The following RBFOX1 variants were observed in gnomAD, a reference collection of about 807,000 sequenced individuals.
The protein encoded by RBFOX1 is RNA binding fox-1 homolog 1.
In RBFOX1, 8 loss-of-function variants were observed where a neutral mutation model predicts 57.7. The ratio of observed to expected loss-of-function variants is 0.14; its 90% CI spans 0.08 to 0.25. The LOEUF (loss-of-function observed/expected upper bound fraction) is 0.25. Ranked by LOEUF, RBFOX1 falls within the 10% of genes least tolerant of loss-of-function variation. The pLI, the probability that RBFOX1 is intolerant of heterozygous loss-of-function variation, is 1.00. For missense variants in RBFOX1, 611 were observed against 548.5 expected, an observed-to-expected ratio of 1.11 and a Z score of -1.14; for synonymous variants, 326 against 222.4, an observed-to-expected ratio of 1.47 and a Z score of -4.15.
At chr16:5,610,874 G>A (rs7204151) in intron 3 of RBFOX1, among the ~76,000 whole-genome samples, 110,555 of 151,734 alleles carry the variant, frequency 0.73, 40,409 homozygotes, top group East Asian at 0.78. Flanking sequence ...TCTGTCAAAA[G>A]ATAAAAATAA....
chr16:6,797,604 G>A (rs2084383862), intron 3 of RBFOX1, among the ~76,000 whole-genome samples: 1 of 152,120 alleles, frequency 6.6e-6, no homozygotes, highest in African/African-American at 2.4e-5. Context: ...AAATGAAACA[G>A]CACCAGCATT....
chr16:6,984,456 C>A (rs935008363), intron 3 of RBFOX1, among the ~76,000 whole-genome samples: 4 of 152,046 alleles, frequency 2.6e-5, no homozygotes, highest in African/African-American at 7.2e-5. Context: ...AATATATATC[C>A]CTATGGATGA....
chr16:5,406,223 CG>C (rs1288578454), intron 1 of RBFOX1, among the ~76,000 whole-genome samples: 5 of 151,804 alleles, frequency 3.3e-5, no homozygotes, highest in African/African-American at 7.3e-5. Flanking sequence ...GGGGTGATGG[CG>C]GGGGGGATTT....
At chr16:7,116,711 T>C (rs1433075918) in intron 4 of RBFOX1, among the ~76,000 whole-genome samples, 1 of 152,130 alleles carries the variant, frequency 6.6e-6, no homozygotes, top group East Asian at 1.9e-4. Context: ...ACTGTTAAGG[T>C]ACGTGGAGAC....
chr16:5,476,866 C>A (rs898000220), intron 2 of RBFOX1, among the ~76,000 whole-genome samples: 1 of 152,150 alleles, frequency 6.6e-6, no homozygotes, highest in African/African-American at 2.4e-5. Flanking sequence ...CCAAGTTAAC[C>A]TTTCTCAATC....
intron 2 of RBFOX1, among the ~76,000 whole-genome samples, chr16:6,552,442 C>G (rs544120009): frequency 6.6e-6 from 1 of 152,130 alleles, no homozygotes; most frequent in East Asian, 1.9e-4. Flanking sequence ...ATAATAATGC[C>G]CAATTCATGT....
At chr16:6,574,645 G>A (rs1253863609) in intron 2 of RBFOX1, among the ~76,000 whole-genome samples, 1 of 147,342 alleles carries the variant, frequency 6.8e-6, no homozygotes, top group African/African-American at 2.5e-5. Flanking sequence ...AGCCGGGATG[G>A]TCTCGATCTC....
intron 2 of RBFOX1, among the ~76,000 whole-genome samples, chr16:6,450,850 T>TGTATCTATATATAC (rs2094601040): frequency 1.9e-5 from 1 of 52,738 alleles, no homozygotes; most frequent in Non-Finnish European, 3.7e-5. Flanking sequence ...TATATATATA[T>TGTATCTATATATAC]ATATATATAT....
At chr16:6,644,473 C>G (rs546182502) in intron 2 of RBFOX1, among the ~76,000 whole-genome samples, 16 of 152,186 alleles carry the variant, frequency 1.1e-4, no homozygotes, top group South Asian at 2.1e-4. Flanking sequence ...TGATCATAAG[C>G]CGATTTGGGC....
intron 3 of RBFOX1, among the ~76,000 whole-genome samples, chr16:5,668,939 C>G (rs911402498): frequency 2.6e-5 from 4 of 152,176 alleles, no homozygotes; most frequent in African/African-American, 7.2e-5. Context: ...TTAGGGGGAG[C>G]ATTGCTCCAG....
chr16:5,580,807 C>G (rs934036203), intron 2 of RBFOX1, among the ~76,000 whole-genome samples: 4 of 152,190 alleles, frequency 2.6e-5, no homozygotes, highest in African/African-American at 9.7e-5. Flanking sequence ...ACCCAGGAAG[C>G]TGTAGGGCAG....
chr16:5,372,928 CG>C (rs2065896911), intron 1 of RBFOX1, among the ~76,000 whole-genome samples: 1 of 152,204 alleles, frequency 6.6e-6, no homozygotes, highest in Admixed American at 6.5e-5. Flanking sequence ...CTTCTGAAGA[CG>C]GGGAGAAGAG....
intron 2 of RBFOX1, among the ~76,000 whole-genome samples, chr16:6,612,304 A>G (rs1219635345): frequency 6.6e-6 from 1 of 152,186 alleles, no homozygotes; most frequent in African/African-American, 2.4e-5. Context: ...TAAGAAACCA[A>G]CTTTGGGATG....
chr16:5,872,031 T>G (rs2057486899), intron 4 of RBFOX1, among the ~76,000 whole-genome samples: 1 of 152,140 alleles, frequency 6.6e-6, no homozygotes, highest in Non-Finnish European at 1.5e-5. Context: ...ATCCTAGGCC[T>G]AGGAATCATT....
At chr16:7,313,517 G>T (rs1441020959) in intron 4 of RBFOX1, among the ~76,000 whole-genome samples, 1 of 149,114 alleles carries the variant, frequency 6.7e-6, no homozygotes, top group Non-Finnish European at 1.5e-5. Flanking sequence ...AAAAAATGAG[G>T]CTCTTTCGGA....
intron 3 of RBFOX1, among the ~76,000 whole-genome samples, chr16:5,760,251 G>T (rs574440069): frequency 9.9e-5 from 15 of 152,218 alleles, no homozygotes; most frequent in African/African-American, 3.6e-4. Context: ...AACAGAGACA[G>T]TTGGTTGCCT....
At chr16:6,296,610 C>T (rs1299527196) in intron 1 of RBFOX1, among the ~76,000 whole-genome samples, 6 of 152,116 alleles carry the variant, frequency 3.9e-5, no homozygotes, top group South Asian at 4.2e-4. Flanking sequence ...TTAGTAGAGA[C>T]GCGGTTTCAC....
At chr16:7,296,285 G>A (rs549861397) in intron 4 of RBFOX1, among the ~76,000 whole-genome samples, 6 of 117,274 alleles carry the variant, frequency 5.1e-5, no homozygotes, top group South Asian at 2.6e-4. Context: ...TTGCATTTTC[G>A]TGTAAAATGC....
intron 4 of RBFOX1, among the ~76,000 whole-genome samples, chr16:7,129,166 A>T (rs1300533761): frequency 6.6e-6 from 1 of 152,200 alleles, no homozygotes; most frequent in Non-Finnish European, 1.5e-5. Flanking sequence ...GCAGGATTCA[A>T]ACCAGGAAAG....
Sources: gnomAD v4.1 joint callset for allele counts (sites outside exome capture counted in the v4.1 genomes callset) on GRCh38, gnomAD v4.1.1 for gene constraint, MANE v1.5 for transcripts, NCBI Gene and HGNC (gene_info 2026-07-23, HGNC 2026-07-21) for gene names.